Variants in SYNE2 observed in about 807,000 individuals in gnomAD.
SYNE2 encodes spectrin repeat containing nuclear envelope protein 2.
SYNE2 carries 431 observed loss-of-function variants against 856.3 expected under a neutral mutation model. The observed-to-expected ratio is 0.50, with a 90% CI of 0.47 to 0.55. The LOEUF (loss-of-function observed/expected upper bound fraction) is 0.55. Ranked by LOEUF, SYNE2 falls within the 20% of genes least tolerant of loss-of-function variation. The pLI, the probability that SYNE2 is intolerant of heterozygous loss-of-function variation, is 0.00. For synonymous variants in SYNE2, 2,923 were observed against 2,872.3 expected (o/e 1.02, Z -0.56); for missense variants, 8,129 against 8,023.2 (o/e 1.01, Z -0.50).
chr14:63,841,683 A>G (rs1238402274), intron 1 of SYNE2, among the ~76,000 whole-genome samples: 1 of 152,194 alleles, frequency 6.6e-6, no homozygotes, highest in Non-Finnish European at 1.5e-5. Context: ...ATCTTTGCCA[A>G]ACTAATAGAT....
In SYNE2 at chr14:63,773,835, G is replaced by A. The variant is rs371484886; in HGVS notation, c.-305+11849G>A. On this transcript the variant is annotated intron_variant, in intron 1 of 23. Coordinates refer to the SYNE2 transcript ENST00000674003. The stretch of plus-strand genomic sequence containing the variant: ...AGATACCAATGCATTTGCCTCTGAT[G>A]ATCTGTGATTATCCTTCTGATAGAA... 5.8e-4 allele frequency among the ~76,000 whole-genome samples: 89 copies of A among 152,302 alleles called. 1 individual carries two copies. In the South Asian group the frequency reaches 0.013, roughly 22 times the overall value.
chr14:63,998,048 C>T (rs2096726571), intron 25 of SYNE2, among the ~76,000 whole-genome samples, 171 bp from the exon 26 acceptor site: 1 of 152,226 alleles, frequency 6.6e-6, no homozygotes, highest in African/African-American at 2.4e-5. Context: ...AGACTCTCCT[C>T]TGTCCTACGG....
chr14:64,127,276 A>G (rs2097956623), intron 73 of SYNE2, among the ~76,000 whole-genome samples: 1 of 151,682 alleles, frequency 6.6e-6, no homozygotes, highest in African/African-American at 2.4e-5. Context: ...AAAAAAGGTG[A>G]AGCCCTTTAA....
intron 66 of SYNE2, among the ~76,000 whole-genome samples, chr14:64,117,190 A>C (rs2097859351): frequency 1.3e-5 from 2 of 152,166 alleles, no homozygotes; most frequent in Non-Finnish European, 2.9e-5. Context: ...TTGGAACTAG[A>C]AGTATTTTGC....
intron 1 of SYNE2, among the ~76,000 whole-genome samples, chr14:63,794,996 C>T (rs975580913): frequency 9.9e-5 from 15 of 152,216 alleles, no homozygotes; most frequent in Non-Finnish European, 7.3e-5. Flanking sequence ...TACTCTGCCT[C>T]CCAGGCTCAG....
chr14:63,858,258 C>A (rs559682531), intron 1 of SYNE2, among the ~76,000 whole-genome samples: 1 of 131,972 alleles, frequency 7.6e-6, no homozygotes, highest in Non-Finnish European at 1.6e-5. Context: ...GTCTCCACAC[C>A]GGCCTTTTTT....
At chr14:63,992,264 A>C (rs2093992600) in intron 21 of SYNE2, among the ~76,000 whole-genome samples, 4 of 151,328 alleles carry the variant, frequency 2.6e-5, no homozygotes, top group Middle Eastern at 3.4e-3. Context: ...AGAGGGTCCT[A>C]GTCTCCCTCT....
upstream of SYNE2, chr14:63,848,446 T>C (rs1890303367): frequency 6.6e-6 from 1 of 152,208 alleles, no homozygotes; most frequent in Admixed American, 6.5e-5. Context: ...TATCTTAGCC[T>C]GACAGAGAAA....
chr14:64,158,697 G>A lies in SYNE2; in HGVS notation c.15865G>A (p.Val5289Met), dbSNP rs181059522. The change falls in exon 86 of 116, where the codon GTG becomes ATG. Residue 5289 changes from valine to methionine, a missense_variant. By Grantham distance (21) the Val-to-Met change is conservative. Transcript: ENST00000555002. ...WKIYDQLYDE[V>M]NMMTIRFWYC... The stretch of plus-strand genomic sequence containing the variant: ...GATTTATGATCAACTCTATGATGAA[G>A]TGAATATGATGACAATCCGATTCTG... The A allele has an allele frequency of 7.6e-5, 123 of 1,613,960 alleles. No homozygotes were observed. The Middle Eastern group carries it at 1.3e-3, about 17-fold the overall frequency.
chr14:63,866,916 A>C (rs568164218), intron 1 of SYNE2, among the ~76,000 whole-genome samples: 1 of 152,330 alleles, frequency 6.6e-6, no homozygotes, highest in Non-Finnish European at 1.5e-5. Context: ...AGATTGTGCC[A>C]CTACACTTCA....
chr14:63,835,295 C>A (rs1231841264), intron 1 of SYNE2, among the ~76,000 whole-genome samples: 1 of 151,920 alleles, frequency 6.6e-6, no homozygotes, highest in East Asian at 1.9e-4. Context: ...GTACAGTGGT[C>A]CAATCTCAGC....
At position 63,963,845 on chromosome 14, in the gene SYNE2, A is replaced by T. The variant is rs529299898; in HGVS notation, c.889-54A>T. The T allele has an allele frequency of 1.0e-5, 14 of 1,373,898 alleles. No homozygotes were observed. In the East Asian group the frequency reaches 3.2e-4, roughly 31 times the overall value. 85.1% of individuals were successfully genotyped at this position (1,373,898 alleles called of 1,614,324 possible). ...GTTTCAAGTTGCTAATTTTTTTGTT[A>T]AAAAAACCAAGCCCGTTTAAAATAT... On this transcript the variant is annotated intron_variant, in intron 9 of 115. Transcript: ENST00000555002.
chr14:64,188,803 G>A, intron 98 of SYNE2, 95 bp downstream of exon 98: 1 of 1,302,170 alleles, frequency 7.7e-7, no homozygotes, highest in South Asian at 1.2e-5. Flanking sequence ...TGTTACGGGT[G>A]TTTCCAGTAG....
chr14:63,919,127 G>A (rs930198865), intron 2 of SYNE2, among the ~76,000 whole-genome samples: 1 of 152,188 alleles, frequency 6.6e-6, no homozygotes, highest in South Asian at 2.1e-4. Context: ...AATGTTTCCT[G>A]TGACCCTACC....
intron 45 of SYNE2, 67 bp from the exon 46 acceptor site, chr14:64,047,933 A>G: frequency 2.6e-6 from 4 of 1,541,964 alleles, no homozygotes; most frequent in Non-Finnish European, 3.6e-6. Context: ...TGTTTTCATC[A>G]AGAAAAATAA....
chr14:63,772,681 T>A (rs914749033), intron 1 of SYNE2, among the ~76,000 whole-genome samples: 3 of 151,242 alleles, frequency 2.0e-5, no homozygotes, highest in Non-Finnish European at 4.4e-5. Flanking sequence ...AGACAGAGGT[T>A]TCAGGGAGCC....
At chr14:63,906,325 A>G (rs546216461) in intron 1 of SYNE2, among the ~76,000 whole-genome samples, 1 of 152,210 alleles carries the variant, frequency 6.6e-6, no homozygotes, top group Non-Finnish European at 1.5e-5. Flanking sequence ...TCATAGTATG[A>G]GTTAGGGAGG....
At chr14:63,793,560 C>T (rs1268926628) in intron 1 of SYNE2, among the ~76,000 whole-genome samples, 1 of 152,008 alleles carries the variant, frequency 6.6e-6, no homozygotes, top group Non-Finnish European at 1.5e-5. Context: ...TCTCAACTTT[C>T]CCTATTCAGA....
At chr14:63,961,423 G>A (rs2096312808) in intron 8 of SYNE2, 102 bp from the exon 9 acceptor site, 3 of 960,792 alleles carry the variant, frequency 3.1e-6, no homozygotes, top group Non-Finnish European at 4.9e-6. Flanking sequence ...TGCATTTCCA[G>A]AGCCTGTGAA....
Sources: allele counts gnomAD v4.1 joint callset (sites outside exome capture counted in the v4.1 genomes callset), GRCh38; gene constraint gnomAD v4.1.1; transcripts MANE v1.5; gene names NCBI Gene and HGNC (gene_info 2026-07-23, HGNC 2026-07-21).